Variants in DCPS observed in about 807,000 individuals in gnomAD.
The protein encoded by DCPS is m7GpppX diphosphatase.
DCPS carries 27 observed loss-of-function variants against 34.7 expected under a neutral mutation model. The ratio of observed to expected loss-of-function variants is 0.78; its 90% confidence interval spans 0.57 to 1.07. DCPS has a LOEUF of 1.07. DCPS is among the 50% of genes least tolerant of loss of function. The pLI, the probability that DCPS is intolerant of heterozygous loss-of-function variation, is 0.00. For synonymous variants in DCPS, 185 were observed against 185.7 expected (o/e 1.00, Z 0.03); for missense variants, 464 against 436.9 (o/e 1.06, Z -0.55).
intron 1 of DCPS, 119 bp downstream of exon 1, chr11:126,304,400 A>C (rs1951546548): frequency 6.8e-6 from 8 of 1,180,078 alleles, no homozygotes; most frequent in Middle Eastern, 2.7e-4. Flanking sequence ...CACTCCGGGG[A>C]GGCGGGAGTG....
In DCPS at chr11:126,325,628, G is replaced by GCTTCATTTGAAACT. The variant is rs1241776423; in HGVS notation, c.377-5777_377-5776insCTTCATTTGAAACT. 2.6e-5 allele frequency among the ~76,000 whole-genome samples: 4 copies of GCTTCATTTGAAACT among 152,208 alleles called. No homozygotes were observed. Among genetic ancestry groups the GCTTCATTTGAAACT allele is most frequent in the Non-Finnish European group, 4.4e-5 (3 of 68,036 alleles). On this transcript the variant is annotated intron_variant, in intron 2 of 5. Transcript: ENST00000263579. The surrounding 1 kb of genome is among the most constrained non-coding windows in gnomAD (Gnocchi z 4.3). Reference sequence around the variant, plus strand: ...ATTGGGAGCAGGGAGGAGCAGAAAAGTGTTTTTGAAAACAAGCTTCATTTG... The same window carrying GCTTCATTTGAAACT: ...ATTGGGAGCAGGGAGGAGCAGAAAAGCTTCATTTGAAACTTGTTTTTGAAAACAAGCTTCATTTG...
rs1229980101 is a variant in DCPS at position 126,347,223 on chromosome 11, CTTTTTTTT to C, written c.*1623_*1630del. Among the ~76,000 whole-genome samples the C allele has an allele frequency of 7.3e-5, 9 of 122,750 alleles. No homozygotes were observed. Among genetic ancestry groups the C allele is most frequent in the African/African-American group, 2.5e-4 (8 of 32,614 alleles). The allele number at this position is 122,750 out of a possible 152,430, so 80.5% of individuals were successfully genotyped here. On this transcript the variant is annotated 3_prime_UTR_variant, in exon 6 of 6. Coordinates refer to ENST00000263579, the MANE Select transcript of DCPS (RefSeq NM_014026.6). The surrounding 1 kb of genome is among the most constrained non-coding windows in gnomAD (Gnocchi z 4.2). ...CACTCAGCCATTCTTCCCTGCAGCT[CTTTTTTTT>C]TTTTTTTTTTTTGAGACAATCTCGC...
In DCPS at chr11:126,347,203, A is replaced by G. The variant is rs1951939669; in HGVS notation, c.*1590A>G. ...ACAATGAAGCCACTGGCCTCCACTC[A>G]GCCATTCTTCCCTGCAGCTCTTTTT... On this transcript the variant is annotated 3_prime_UTR_variant, in exon 6 of 6. Transcript: ENST00000263579. This position sits in a 1 kb window ranked among gnomAD's most constrained non-coding sequence, Gnocchi z 4.2. Among the ~76,000 whole-genome samples the G allele has an allele frequency of 6.7e-6, 1 of 150,036 alleles. No homozygotes were observed. Among genetic ancestry groups the G allele is most frequent in the South Asian group, 2.1e-4 (1 of 4,776 alleles).
At position 126,348,847 on chromosome 11, in the gene DCPS, T is replaced by C. The variant is rs1951962338; in HGVS notation, c.*3234T>C. On this transcript the variant is annotated 3_prime_UTR_variant, in exon 6 of 6. Coordinates refer to ENST00000263579, the MANE Select transcript of DCPS (RefSeq NM_014026.6). This position sits in a 1 kb window ranked among gnomAD's most constrained non-coding sequence, Gnocchi z 5.3. ...AAGCAACATTATAACACTACATTCA[T>C]ATAGCAGATCATTTCATGACCCACA... Among the ~76,000 whole-genome samples the C allele has an allele frequency of 6.6e-6, 1 of 152,224 alleles. No individual in the cohort carries two copies. The highest frequency in any genetic ancestry group is 1.5e-5 in the Non-Finnish European group (1 of 68,042).
At chr11:126,307,496 C>T (rs1024131367) in intron 2 of DCPS, among the ~76,000 whole-genome samples, 19 of 152,062 alleles carry the variant, frequency 1.2e-4, no homozygotes, top group African/African-American at 2.4e-4. Context: ...CTGCAACCTC[C>T]GCCTCACAGG....
chr11:126,316,437 A>G (rs932003267), intron 2 of DCPS, among the ~76,000 whole-genome samples: 2 of 151,784 alleles, frequency 1.3e-5, no homozygotes, highest in Non-Finnish European at 2.9e-5. Context: ...AAGATTGGAC[A>G]CCCTTGTATT....
intron 2 of DCPS, among the ~76,000 whole-genome samples, chr11:126,308,296 C>T (rs1386046261): frequency 6.6e-6 from 1 of 152,218 alleles, no homozygotes; most frequent in Non-Finnish European, 1.5e-5. Context: ...GTGACTTTGT[C>T]ATATCCTTCT....
In DCPS at chr11:126,344,298, C is replaced by T. The variant is rs1010517168; in HGVS notation, c.747+881C>T. On this transcript the variant is annotated intron_variant, in intron 5 of 5. Coordinates refer to ENST00000263579, the MANE Select transcript of DCPS (RefSeq NM_014026.6). The surrounding 1 kb of genome is among the most constrained non-coding windows in gnomAD (Gnocchi z 8.1). ...ATCTATCTTCCCTCCTGCTCACCCACGGCACCACCCCTTGGCTGCCTTTAT... is the reference window on the plus strand; with the variant it reads ...ATCTATCTTCCCTCCTGCTCACCCATGGCACCACCCCTTGGCTGCCTTTAT... Among the ~76,000 whole-genome samples, 12 of 152,224 alleles carry T rather than the reference C, an allele frequency of 7.9e-5. No homozygotes were observed. The highest frequency in any genetic ancestry group is 2.1e-4 in the South Asian group (1 of 4,834).
rs80247534 is a variant in DCPS, at chr11:126,331,749, C to T, written c.522+199C>T. ...CACAGTCACACGGTGTGTGACCATA[C>T]ACAGATATCTCAGGATCTATGTGCT... On this transcript the variant is annotated intron_variant, in intron 3 of 5. Coordinates refer to ENST00000263579, the MANE Select transcript of DCPS (RefSeq NM_014026.6). The surrounding 1 kb of genome is among the most constrained non-coding windows in gnomAD (Gnocchi z 7.2). 0.045 allele frequency among the ~76,000 whole-genome samples: 6,862 copies of T among 152,286 alleles called. 212 individuals carry two copies. The highest frequency in any genetic ancestry group is 0.074 in the Non-Finnish European group (5,060 of 68,012).
At position 126,338,430 on chromosome 11, in the gene DCPS, T is replaced by C. The variant is rs371361446; in HGVS notation, c.636+31T>C. 99 of 1,596,590 alleles carry C rather than the reference T, an allele frequency of 6.2e-5. No individual in the cohort carries two copies. In the African/African-American group the frequency reaches 1.1e-3, roughly 18 times the overall value. ...GGTTTCTGGCTGGAATGTCCTGATC[T>C]CTGGCCACCCTGCTGTAAGTGCTGG... On this transcript the variant is annotated intron_variant, in intron 4 of 5. Transcript: ENST00000263579. The surrounding 1 kb of genome is among the most constrained non-coding windows in gnomAD (Gnocchi z 5.4).
In DCPS at chr11:126,344,044, A is replaced by G. The variant is rs553969585; in HGVS notation, c.747+627A>G. ...AGGTCACTTCACCTCCCTAAACCAC[A>G]TTATCTAGATGGATCCCTTCTAAAT... On this transcript the variant is annotated intron_variant, in intron 5 of 5. Coordinates refer to ENST00000263579, the MANE Select transcript of DCPS (RefSeq NM_014026.6). This position sits in a 1 kb window ranked among gnomAD's most constrained non-coding sequence, Gnocchi z 8.1. 2.0e-5 allele frequency among the ~76,000 whole-genome samples: 3 copies of G among 152,182 alleles called. No individual in the cohort carries two copies. Among genetic ancestry groups the G allele is most frequent in the African/African-American group, 7.2e-5 (3 of 41,524 alleles).
At chr11:126,310,151 C>T (rs1404165973) in intron 2 of DCPS, among the ~76,000 whole-genome samples, 2 of 152,142 alleles carry the variant, frequency 1.3e-5, no homozygotes, top group Non-Finnish European at 2.9e-5. Context: ...AGCACAACTC[C>T]CTGGTGAGCC....
Position 126,346,445 on chromosome 11 carries a change from G to A in DCPS, c.*832G>A, listed in dbSNP as rs1277146693. Among the ~76,000 whole-genome samples the A allele has an allele frequency of 6.6e-6, 1 of 152,240 alleles. No homozygotes were observed. The highest frequency in any genetic ancestry group is 1.5e-5 in the Non-Finnish European group (1 of 68,050). On this transcript the variant is annotated 3_prime_UTR_variant, in exon 6 of 6. Transcript: ENST00000263579. This position sits in a 1 kb window ranked among gnomAD's most constrained non-coding sequence, Gnocchi z 4.1. ...GGCCTATCAGAGGCAGATGTTCAGA[G>A]GATCTTGAGACCAGGAAGGGACCTC...
intron 2 of DCPS, among the ~76,000 whole-genome samples, chr11:126,307,484 C>T (rs369314538): frequency 6.6e-5 from 10 of 152,130 alleles, no homozygotes; most frequent in Non-Finnish European, 1.3e-4. Context: ...GATCTCGGCT[C>T]GCTGCAACCT....
In DCPS at chr11:126,347,485, A is replaced by G. The variant is rs1287684846; in HGVS notation, c.*1872A>G. ...GTGATCCACCCATCTCGGCCTCCCA[A>G]AGTGCTGGGATTCCAGGCGTGAGCC... is the stretch of plus-strand genomic sequence containing the variant. On this transcript the variant is annotated 3_prime_UTR_variant, in exon 6 of 6. Coordinates refer to ENST00000263579, the MANE Select transcript of DCPS (RefSeq NM_014026.6). The surrounding 1 kb of genome is among the most constrained non-coding windows in gnomAD (Gnocchi z 4.2). Among the ~76,000 whole-genome samples, 1 of 151,932 alleles carries G rather than the reference A, an allele frequency of 6.6e-6. No individual in the cohort carries two copies. The highest frequency in any genetic ancestry group is 1.5e-5 in the Non-Finnish European group (1 of 67,960).
In DCPS at chr11:126,342,908, T is replaced by C. The variant is rs943933431; in HGVS notation, c.637-399T>C. Among the ~76,000 whole-genome samples, 3 of 151,936 alleles carry C rather than the reference T, an allele frequency of 2.0e-5. No individual in the cohort carries two copies. The highest frequency in any genetic ancestry group is 4.4e-5 in the Non-Finnish European group (3 of 67,980). ...GCCTGGCCAATATGGTGAAACCCCA[T>C]CTCTACTAAAAATATAAAGAGCATG... On this transcript the variant is annotated intron_variant, in intron 4 of 5. Coordinates refer to ENST00000263579, the MANE Select transcript of DCPS (RefSeq NM_014026.6). This position sits in a 1 kb window ranked among gnomAD's most constrained non-coding sequence, Gnocchi z 4.4.
chr11:126,342,020 G>A lies in DCPS; in HGVS notation c.637-1287G>A, dbSNP rs1951879363. 6.6e-6 allele frequency: 1 copy of A among 152,270 alleles called. No homozygotes were observed. Among genetic ancestry groups the A allele is most frequent in the South Asian group, 2.1e-4 (1 of 4,836 alleles). 9.4% of individuals were successfully genotyped at this position (152,270 alleles called of 1,614,324 possible). On this transcript the variant is annotated intron_variant, in intron 4 of 5. Transcript: ENST00000263579. The surrounding 1 kb of genome is among the most constrained non-coding windows in gnomAD (Gnocchi z 4.4). ...TCAATTTGAGGCCCCAGGAAATGTG[G>A]TTGGGTGAGTCATGGTCCTCAAATT...
intron 2 of DCPS, among the ~76,000 whole-genome samples, chr11:126,324,629 CTTTTTTTTTTTTTT>C (rs58091804): frequency 5.0e-5 from 5 of 99,954 alleles, no homozygotes; most frequent in African/African-American, 1.7e-4. Context: ...ATTTTTCTGC[CTTTTTTTTTTTTTT>C]TTTTTTTTTT....
intron 4 of DCPS, 57 bp from the exon 5 acceptor site, chr11:126,343,250 G>A: frequency 2.0e-6 from 3 of 1,471,128 alleles, no homozygotes; most frequent in South Asian, 2.4e-5. Context: ...TCCAGGGTTG[G>A]CAGCCTCCCC....
Sources: gnomAD v4.1 joint callset for allele counts (sites outside exome capture counted in the v4.1 genomes callset) on GRCh38, gnomAD v4.1.1 for gene constraint, Gnocchi (gnomAD v3.1) non-coding constraint, MANE v1.5 for transcripts, NCBI Gene and HGNC (gene_info 2026-07-23, HGNC 2026-07-21) for gene names.